The following CORO2B variants were observed in gnomAD, a reference collection of about 807,000 sequenced individuals.
CORO2B encodes the protein coronin 2B.
A neutral mutation model predicts 58.8 loss-of-function variants in CORO2B; 26 were observed. That is an observed-to-expected ratio of 0.44 (90% CI 0.32 to 0.61). The LOEUF (loss-of-function observed/expected upper bound fraction) is 0.61, where lower values mean the gene tolerates loss of function less well. Ranked by LOEUF, CORO2B falls within the 20% of genes least tolerant of loss-of-function variation. CORO2B has a pLI of 0.04. For synonymous variants in CORO2B, 242 were observed against 253.8 expected (o/e 0.95, Z 0.44); for missense variants, 460 against 645.1 (o/e 0.71, Z 3.11).
At chr15:68,711,007 T>C in intron 4 of CORO2B, 126 bp downstream of exon 4, 1 of 919,810 alleles carries the variant, frequency 1.1e-6, no homozygotes. Flanking sequence ...ATTTGCTTAT[T>C]CATTCATTCA....
At chr15:68,690,633 T>C (rs1892333620) in intron 2 of CORO2B, among the ~76,000 whole-genome samples, 1 of 148,508 alleles carries the variant, frequency 6.7e-6, no homozygotes. Context: ...AGCAATGTGA[T>C]CACGTTAGCT....
At chr15:68,674,681 C>T (rs1263632568) in intron 2 of CORO2B, among the ~76,000 whole-genome samples, 1 of 152,220 alleles carries the variant, frequency 6.6e-6, no homozygotes, top group Non-Finnish European at 1.5e-5. Context: ...GTGGAGCACA[C>T]GCGAAGAACA....
chr15:68,615,842 C>G (rs1900340866), intron 1 of CORO2B, among the ~76,000 whole-genome samples: 1 of 152,202 alleles, frequency 6.6e-6, no homozygotes, highest in African/African-American at 2.4e-5. Flanking sequence ...ATAAGCCACT[C>G]AGTTTATGGT....
rs79940684 is a variant in CORO2B at position 68,653,057 on chromosome 15, A to C, written c.216+7697A>C. 6.9e-3 allele frequency among the ~76,000 whole-genome samples: 1,047 copies of C among 152,260 alleles called. 14 individuals carry two copies. Among genetic ancestry groups the C allele is most frequent in the African/African-American group, 0.024 (1,005 of 41,540 alleles). ...GAGAGTAGATGTTTCCAAACTCCAT[A>C]CAAGTGCAGCAGATCTTGGGGAAGC... On this transcript the variant is annotated intron_variant, in intron 2 of 11. Transcript: ENST00000261861.
intron 2 of CORO2B, among the ~76,000 whole-genome samples, chr15:68,657,733 T>C (rs987699352): frequency 2.3e-4 from 35 of 152,186 alleles, no homozygotes; most frequent in African/African-American, 7.5e-4. Context: ...GAACACATTA[T>C]AGGTTCAAGT....
At chr15:68,685,974 C>A (rs1403134555) in intron 2 of CORO2B, among the ~76,000 whole-genome samples, 4 of 150,004 alleles carry the variant, frequency 2.7e-5, no homozygotes, top group Non-Finnish European at 5.9e-5. Context: ...GAGCTGCCGC[C>A]GACCCCTTGT....
At chr15:68,719,036 A>G (rs1469156932) in intron 9 of CORO2B, 108 bp from the exon 10 acceptor site, 5 of 970,412 alleles carry the variant, frequency 5.2e-6, no homozygotes, top group Non-Finnish European at 8.3e-6. Context: ...GCATAGAGGC[A>G]GGAGAGCAGG....
chr15:68,702,397 G>T (rs1296755879), intron 3 of CORO2B, among the ~76,000 whole-genome samples: 1 of 152,160 alleles, frequency 6.6e-6, no homozygotes, highest in Admixed American at 6.5e-5. Context: ...CACAGCAGTA[G>T]ATGCTCAACA....
intron 1 of CORO2B, among the ~76,000 whole-genome samples, chr15:68,621,054 G>A (rs1372942993): frequency 6.6e-6 from 1 of 152,224 alleles, no homozygotes; most frequent in Non-Finnish European, 1.5e-5. Context: ...TAACGGGTGT[G>A]TTACTCAGCT....
intron 2 of CORO2B, among the ~76,000 whole-genome samples, chr15:68,685,403 G>T (rs1048293146): frequency 2.0e-5 from 3 of 152,190 alleles, no homozygotes; most frequent in African/African-American, 7.2e-5. Flanking sequence ...GTAAAGATGG[G>T]ATTTTGCCAT....
chr15:68,717,438 G>A (rs1455567497), intron 8 of CORO2B, among the ~76,000 whole-genome samples: 4 of 152,236 alleles, frequency 2.6e-5, no homozygotes, highest in African/African-American at 9.6e-5. Context: ...AATAGGTGGG[G>A]AGAAGGAAGA....
chr15:68,576,152 CAAAA>C (rs3985627), upstream of CORO2B, among the ~76,000 whole-genome samples: 4,096 of 61,796 alleles, frequency 0.066, 28 homozygotes, highest in Non-Finnish European at 0.082. Context: ...GACTACGTCG[CAAAA>C]AAAAAAAAAA....
intron 1 of CORO2B, among the ~76,000 whole-genome samples, chr15:68,634,868 T>C (rs1900977926): frequency 6.6e-6 from 1 of 152,218 alleles, no homozygotes; most frequent in Non-Finnish European, 1.5e-5. Flanking sequence ...CCTGGGATTC[T>C]CCATTTCTAA....
At chr15:68,534,888 G>C in the CORO2B span, among the ~76,000 whole-genome samples, 1,619 of 152,344 alleles carry the variant, frequency 0.011, 38 homozygotes, top group African/African-American at 0.035. Flanking sequence ...ACAAAAGAGA[G>C]AATGAGAACC....
At chr15:68,578,978 T>A, upstream of CORO2B, 15 of 766,496 alleles carry the variant, frequency 2.0e-5, no homozygotes, top group Non-Finnish European at 2.2e-5. The surrounding 1 kb of genome is among the most constrained non-coding windows in gnomAD (Gnocchi z 4.2). Flanking sequence ...CCGGGCCCTC[T>A]CCCTCTCTCC....
At chr15:68,709,907 A>G (rs1892875537) in intron 3 of CORO2B, among the ~76,000 whole-genome samples, 1 of 152,058 alleles carries the variant, frequency 6.6e-6, no homozygotes. Flanking sequence ...TACCTTATTG[A>G]TTAAATAGTT....
chr15:68,595,097 A>G (rs570996209), intron 1 of CORO2B, among the ~76,000 whole-genome samples: 18 of 152,352 alleles, frequency 1.2e-4, no homozygotes, highest in Admixed American at 3.9e-4. Flanking sequence ...TTTAGGAAGC[A>G]TTGTACCATG....
At chr15:68,575,981 C>T (rs1899276367), upstream of CORO2B, among the ~76,000 whole-genome samples, 2 of 151,310 alleles carry the variant, frequency 1.3e-5, no homozygotes. Flanking sequence ...AGTGAAACCC[C>T]ATCTCTACTA....
At chr15:68,657,634 C>T (rs370336498) in intron 2 of CORO2B, among the ~76,000 whole-genome samples, 4 of 151,656 alleles carry the variant, frequency 2.6e-5, no homozygotes, top group South Asian at 4.1e-4. Context: ...GACACAGTAA[C>T]GACTCTAATT....
Sources: allele counts gnomAD v4.1 joint callset (sites outside exome capture counted in the v4.1 genomes callset), GRCh38; gene constraint gnomAD v4.1.1; non-coding constraint Gnocchi (gnomAD v3.1); transcripts MANE v1.5; gene names NCBI Gene and HGNC (gene_info 2026-07-23, HGNC 2026-07-21).